The following HTRA3 variants were observed in gnomAD, a reference collection of about 807,000 sequenced individuals.
HTRA3 encodes serine protease HTRA3.
In HTRA3, 41 loss-of-function variants were observed where a neutral mutation model predicts 43.2. That is an observed-to-expected ratio of 0.95 (90% CI 0.74 to 1.23). HTRA3 has a LOEUF of 1.23. Ranked by LOEUF, HTRA3 falls within the 50% of genes most tolerant of loss-of-function variation. The pLI, the probability that HTRA3 is intolerant of heterozygous loss-of-function variation, is 0.00. For missense variants in HTRA3, 628 were observed against 647.1 expected, an observed-to-expected ratio of 0.97 and a Z score of 0.32; for synonymous variants, 295 against 287.9, an observed-to-expected ratio of 1.02 and a Z score of -0.25.
Position 8,291,630 on chromosome 4 carries a change from G to T in HTRA3, c.903+66G>T, listed in dbSNP as rs886424988. 4.1e-6 allele frequency: 5 copies of T among 1,220,980 alleles called. No homozygotes were observed. In the East Asian group the frequency reaches 1.0e-4, roughly 25 times the overall value. 75.6% of individuals were successfully genotyped at this position (1,220,980 alleles called of 1,614,324 possible). On this transcript the variant is annotated intron_variant, in intron 4 of 8. Transcript: ENST00000307358. ...TGCCCAAGACCTCAACCTCGAGGTG[G>T]TCTCTGACTCGGCTTGCCCCCCTCC...
chr4:8,304,688 T>A (rs1713778261), intron 8 of HTRA3, among the ~76,000 whole-genome samples: 1 of 133,046 alleles, frequency 7.5e-6, no homozygotes, highest in Non-Finnish European at 1.6e-5. Context: ...ACAGTCTCCC[T>A]CTTGTTGCCC....
rs986549754 is a variant in HTRA3, at chr4:8,291,545, A to G, written c.884A>G (p.Gln295Arg). Residue 295 changes from glutamine to arginine, a missense_variant, in exon 4 of 9, where the codon CAG (glutamine) becomes CGG (arginine). Coordinates refer to ENST00000307358, the MANE Select transcript of HTRA3 (RefSeq NM_053044.5). ...GLRDSDMDYI[Q>R]TDAIINYGNS... Reference sequence around the variant, plus strand: ...CGGGACTCCGACATGGACTACATCCAGACGGATGCCATCATCAACGTGAGT... The same window carrying G: ...CGGGACTCCGACATGGACTACATCCGGACGGATGCCATCATCAACGTGAGT... 2 of 1,597,216 alleles carry G rather than the reference A, an allele frequency of 1.3e-6. No homozygotes were observed. Among genetic ancestry groups the G allele is most frequent in the Non-Finnish European group, 1.7e-6 (2 of 1,170,096 alleles).
At chr4:8,272,867 G>C (rs923480826) in intron 1 of HTRA3, among the ~76,000 whole-genome samples, 4 of 152,200 alleles carry the variant, frequency 2.6e-5, no homozygotes, top group Non-Finnish European at 5.9e-5. Context: ...GAGGCTGCTG[G>C]CCATCTCCAG....
intron 2 of HTRA3, among the ~76,000 whole-genome samples, chr4:8,283,691 C>T (rs890362159): frequency 7.9e-5 from 12 of 152,206 alleles, no homozygotes; most frequent in Admixed American, 6.5e-4. Context: ...GATCAGACGG[C>T]GGGTCCAGGC....
intron 4 of HTRA3, 88 bp downstream of exon 4, chr4:8,291,652 C>A (rs4235256): frequency 0.58 from 560,512 of 967,200 alleles, 166,475 homozygotes; most frequent in East Asian, 0.82. Flanking sequence ...GCTTGCCCCC[C>A]TCCCCAGAGC....
intron 5 of HTRA3, among the ~76,000 whole-genome samples, 174 bp downstream of exon 5, chr4:8,292,527 A>G (rs1169413696): frequency 6.6e-6 from 1 of 152,314 alleles, no homozygotes; most frequent in Admixed American, 6.5e-5. Flanking sequence ...GGCTGCCCCA[A>G]GCGCCTCGGG....
chr4:8,285,263 C>T (rs921502291), intron 2 of HTRA3, among the ~76,000 whole-genome samples: 1 of 152,222 alleles, frequency 6.6e-6, no homozygotes, highest in African/African-American at 2.4e-5. Flanking sequence ...GGCCGTATCT[C>T]TTGGCAGGGA....
At chr4:8,289,051 G>A (rs1219440991) in intron 3 of HTRA3, among the ~76,000 whole-genome samples, 13 of 151,470 alleles carry the variant, frequency 8.6e-5, no homozygotes, top group Non-Finnish European at 5.9e-5. Flanking sequence ...CTGGGCTTAA[G>A]GGATCTTCCC....
intron 1 of HTRA3, among the ~76,000 whole-genome samples, chr4:8,275,789 G>T (rs1478935043): frequency 6.6e-6 from 1 of 152,220 alleles, no homozygotes; most frequent in Non-Finnish European, 1.5e-5. Flanking sequence ...TGATGTCCTG[G>T]TCCTGTATGA....
At position 8,306,159 on chromosome 4, in the gene HTRA3, A is replaced by G. The variant is rs565264792; in HGVS notation, c.*23A>G. 2.6e-6 allele frequency: 4 copies of G among 1,548,214 alleles called. No individual in the cohort carries two copies. In the Admixed American group the frequency reaches 5.4e-5, roughly 21 times the overall value. ...TGAGGGGCGCATTCCTCCAGCGCCAAGCGTCAGAGCCTGCAGACAACGGAG... is the reference window on the plus strand; with the variant it reads ...TGAGGGGCGCATTCCTCCAGCGCCAGGCGTCAGAGCCTGCAGACAACGGAG... On this transcript the variant is annotated 3_prime_UTR_variant, in exon 9 of 9. Coordinates refer to ENST00000307358, the MANE Select transcript of HTRA3 (RefSeq NM_053044.5). The surrounding 1 kb of genome is among the most constrained non-coding windows in gnomAD (Gnocchi z 8.9).
intron 2 of HTRA3, among the ~76,000 whole-genome samples, chr4:8,284,852 G>A (rs1425475880): frequency 1.3e-5 from 2 of 152,202 alleles, no homozygotes; most frequent in East Asian, 3.9e-4. Flanking sequence ...TGAGAGTTAG[G>A]GACGACAGTA....
intron 3 of HTRA3, among the ~76,000 whole-genome samples, chr4:8,290,610 C>T (rs1713195337): frequency 6.6e-6 from 1 of 152,226 alleles, no homozygotes. Flanking sequence ...CCGCCTTCCC[C>T]AATTTATCGT....
At chr4:8,282,619 A>G (rs1477088045) in intron 2 of HTRA3, 83 bp downstream of exon 2, 4 of 1,068,898 alleles carry the variant, frequency 3.7e-6, no homozygotes, top group Non-Finnish European at 5.6e-6. Context: ...ACCAGGCTTG[A>G]TTCTGCAGCC....
intron 3 of HTRA3, among the ~76,000 whole-genome samples, chr4:8,290,908 A>C (rs1372471468): frequency 6.6e-6 from 1 of 152,198 alleles, no homozygotes; most frequent in Non-Finnish European, 1.5e-5. Context: ...ATGGAACTGG[A>C]TCAAGGATGT....
intron 7 of HTRA3, among the ~76,000 whole-genome samples, chr4:8,303,261 A>T (rs1713725122): frequency 6.6e-6 from 1 of 152,138 alleles, no homozygotes; most frequent in Admixed American, 6.5e-5. Flanking sequence ...GCTGTGTCGG[A>T]ATCACCTGTG....
intron 3 of HTRA3, among the ~76,000 whole-genome samples, chr4:8,289,687 T>C (rs1326598015): frequency 2.6e-5 from 4 of 152,166 alleles, no homozygotes; most frequent in Admixed American, 1.3e-4. Context: ...TCCTAGCCCC[T>C]AGGCATTAAA....
chr4:8,288,082 C>T lies in HTRA3; in HGVS notation c.708+1299C>T, dbSNP rs534945915. Among the ~76,000 whole-genome samples, 26 of 152,328 alleles carry T rather than the reference C, an allele frequency of 1.7e-4. No individual in the cohort carries two copies. The South Asian group carries it at 5.2e-3, about 30-fold the overall frequency. On this transcript the variant is annotated intron_variant, in intron 3 of 8. Coordinates refer to ENST00000307358, the MANE Select transcript of HTRA3 (RefSeq NM_053044.5). The stretch of plus-strand genomic sequence containing the variant: ...ACGTTTACAGCATTTGTGATGAAAT[C>T]TTTTGCAAGGGGGTTTCCTCTTGCC...
chr4:8,280,895 CT>C (rs1325651340), intron 1 of HTRA3, among the ~76,000 whole-genome samples: 2 of 152,172 alleles, frequency 1.3e-5, no homozygotes, highest in Non-Finnish European at 2.9e-5. Flanking sequence ...AGCCAACCCC[CT>C]AGGTCCCAGC....
intron 5 of HTRA3, among the ~76,000 whole-genome samples, chr4:8,293,026 G>T: frequency 6.6e-6 from 1 of 152,184 alleles, no homozygotes; most frequent in East Asian, 1.9e-4. Context: ...GGTACAGGAA[G>T]AAGAAATCCC....
Sources: gnomAD v4.1 joint callset for allele counts (sites outside exome capture counted in the v4.1 genomes callset) on GRCh38, gnomAD v4.1.1 for gene constraint, Gnocchi (gnomAD v3.1) non-coding constraint, MANE v1.5 for transcripts, NCBI Gene and HGNC (gene_info 2026-07-23, HGNC 2026-07-21) for gene names.